The following CACNA2D1 variants were observed in gnomAD, a reference collection of about 807,000 sequenced individuals.
CACNA2D1 encodes calcium voltage-gated channel auxiliary subunit alpha2delta 1, also known as voltage-dependent calcium channel subunit alpha-2/delta-1.
CACNA2D1 carries 53 observed loss-of-function variants against 171.5 expected under a neutral mutation model. The observed-to-expected ratio is 0.31, with a 90% CI of 0.25 to 0.39. CACNA2D1 has a LOEUF of 0.39. Ranked by LOEUF, CACNA2D1 falls within the 10% of genes least tolerant of loss-of-function variation. The pLI, the probability that CACNA2D1 is intolerant of heterozygous loss-of-function variation, is 1.00. For synonymous variants in CACNA2D1, 442 were observed against 443.1 expected (o/e 1.00, Z 0.03); for missense variants, 903 against 1,299.8 (o/e 0.69, Z 4.69).
intron 6 of CACNA2D1, among the ~76,000 whole-genome samples, chr7:82,088,037 C>T (rs1810686649): frequency 6.6e-6 from 1 of 152,074 alleles, no homozygotes; most frequent in Admixed American, 6.6e-5. Context: ...ATCTCTGTTT[C>T]TGTCTGTCTC....
chr7:82,133,013 C>T (rs550068441), intron 5 of CACNA2D1, among the ~76,000 whole-genome samples: 1 of 152,252 alleles, frequency 6.6e-6, no homozygotes, highest in African/African-American at 2.4e-5. Flanking sequence ...GTATTTTACA[C>T]TCAGGTTGAT....
At chr7:82,387,313 ATT>A (rs1824520312) in intron 1 of CACNA2D1, among the ~76,000 whole-genome samples, 1 of 152,130 alleles carries the variant, frequency 6.6e-6, no homozygotes, top group African/African-American at 2.4e-5. Flanking sequence ...AATTTAAAGC[ATT>A]CTTAGTTGTT....
At chr7:82,441,199 TAA>T (rs764246626) in intron 1 of CACNA2D1, among the ~76,000 whole-genome samples, 4 of 152,022 alleles carry the variant, frequency 2.6e-5, no homozygotes, top group South Asian at 2.1e-4. Context: ...TTTAATTTCA[TAA>T]AGTTTATTCA....
intron 1 of CACNA2D1, among the ~76,000 whole-genome samples, chr7:82,412,221 A>T (rs997107148): frequency 1.3e-5 from 2 of 151,712 alleles, no homozygotes; most frequent in African/African-American, 2.4e-5. Context: ...TCTTCCAAAA[A>T]CTGTTCAGGG....
chr7:82,122,911 A>G (rs1789911458), intron 5 of CACNA2D1, among the ~76,000 whole-genome samples: 1 of 152,256 alleles, frequency 6.6e-6, no homozygotes, highest in African/African-American at 2.4e-5. Flanking sequence ...AAAACAACCT[A>G]CCACCTTGAA....
At chr7:82,379,695 T>C (rs1823470842) in intron 1 of CACNA2D1, among the ~76,000 whole-genome samples, 1 of 152,176 alleles carries the variant, frequency 6.6e-6, no homozygotes, top group South Asian at 2.1e-4. Flanking sequence ...GTTCTGTTGA[T>C]ATGTTTTGTT....
At chr7:82,423,309 T>C (rs2129457679) in intron 1 of CACNA2D1, among the ~76,000 whole-genome samples, 1 of 152,230 alleles carries the variant, frequency 6.6e-6, no homozygotes, top group Non-Finnish European at 1.5e-5. Context: ...AATAAAATCT[T>C]TGTGGATTAA....
rs1414811133 is a variant in CACNA2D1, at chr7:82,163,804, T to G, written c.354+6746A>C. 2.0e-5 allele frequency among the ~76,000 whole-genome samples: 3 copies of G among 151,858 alleles called. No individual in the cohort carries two copies. The East Asian group carries it at 5.8e-4, about 29-fold the overall frequency. ...GCTCACTAGACTAGGCAAATATCCATCAAGAGACTGTGCCAACTTGCTTGT... is the reference window on the plus strand; with the variant it reads ...GCTCACTAGACTAGGCAAATATCCAGCAAGAGACTGTGCCAACTTGCTTGT... On this transcript the variant is annotated intron_variant, in intron 4 of 38. Transcript: ENST00000356860.
At chr7:82,144,495 C>T (rs1387428435) in intron 4 of CACNA2D1, among the ~76,000 whole-genome samples, 1 of 151,830 alleles carries the variant, frequency 6.6e-6, no homozygotes, top group Non-Finnish European at 1.5e-5. Context: ...CAAAATGCAA[C>T]TAAGAGAATT....
intron 1 of CACNA2D1, among the ~76,000 whole-genome samples, chr7:82,415,899 A>C (rs1828121392): frequency 6.6e-6 from 1 of 152,030 alleles, no homozygotes; most frequent in African/African-American, 2.4e-5. Flanking sequence ...TTGAATACTA[A>C]ATAAAGGAAT....
At position 82,217,083 on chromosome 7, in the gene CACNA2D1, T is replaced by C. The variant is rs118173108; in HGVS notation, c.295-46474A>G. On this transcript the variant is annotated intron_variant, in intron 3 of 38. Coordinates refer to ENST00000356860, the MANE Select transcript of CACNA2D1 (RefSeq NM_000722.4). ...TTCATAATGTCTTTGACCAACTCCA[T>C]TAACGACAGAAGCTCAGGATCTTTT... Among the ~76,000 whole-genome samples the C allele has an allele frequency of 4.7e-3, 715 of 152,040 alleles. 4 individuals are homozygous for C. Among genetic ancestry groups the C allele is most frequent in the Non-Finnish European group, 8.7e-3 (588 of 67,952 alleles).
intron 1 of CACNA2D1, among the ~76,000 whole-genome samples, chr7:82,439,867 TTA>T (rs949965996): frequency 6.6e-6 from 1 of 151,846 alleles, no homozygotes; most frequent in African/African-American, 2.4e-5. Context: ...ATTTAATATT[TTA>T]TCTCATAATT....
At chr7:82,176,555 A>G (rs955212727) in intron 3 of CACNA2D1, among the ~76,000 whole-genome samples, 13 of 151,962 alleles carry the variant, frequency 8.6e-5, no homozygotes, top group Non-Finnish European at 1.5e-4. Context: ...TGTTAGCTAA[A>G]GAAGCCAGGC....
chr7:82,146,262 C>T (rs1035266192), intron 4 of CACNA2D1, among the ~76,000 whole-genome samples: 3 of 151,136 alleles, frequency 2.0e-5, no homozygotes, highest in African/African-American at 7.3e-5. Context: ...AAGAAACATT[C>T]ATGACGTTCA....
At chr7:82,027,524 G>A (rs895783010) in intron 12 of CACNA2D1, 4 of 151,624 alleles carry the variant, frequency 2.6e-5, no homozygotes, top group Non-Finnish European at 4.4e-5. Context: ...TTCCTTGTCT[G>A]AGTATCCTTT....
At chr7:82,238,973 A>C (rs1803931417) in intron 3 of CACNA2D1, among the ~76,000 whole-genome samples, 1 of 152,206 alleles carries the variant, frequency 6.6e-6, no homozygotes, top group Non-Finnish European at 1.5e-5. Context: ...GAATGAAAAT[A>C]AAATCATTGA....
chr7:82,187,253 CAATA>C (rs1797871309), intron 3 of CACNA2D1, among the ~76,000 whole-genome samples: 1 of 152,054 alleles, frequency 6.6e-6, no homozygotes, highest in South Asian at 2.1e-4. Context: ...GTAAGTACCA[CAATA>C]ATCCACATAA....
chr7:82,075,933 T>G (rs1808912045), intron 7 of CACNA2D1, among the ~76,000 whole-genome samples: 1 of 152,182 alleles, frequency 6.6e-6, no homozygotes, highest in African/African-American at 2.4e-5. Context: ...GCTAAATTTT[T>G]TTAGCAATAC....
intron 19 of CACNA2D1, 39 bp downstream of exon 19, chr7:81,997,140 T>C: frequency 8.6e-7 from 1 of 1,157,038 alleles, no homozygotes; most frequent in Admixed American, 1.7e-5. Context: ...TACCAGCATC[T>C]GACCTGAGGA....
Sources: allele counts gnomAD v4.1 joint callset (sites outside exome capture counted in the v4.1 genomes callset), GRCh38; gene constraint gnomAD v4.1.1; transcripts MANE v1.5; gene names NCBI Gene and HGNC (gene_info 2026-07-23, HGNC 2026-07-21).